The following ZEB1 variants were observed in gnomAD, a reference collection of about 807,000 sequenced individuals.
ZEB1 encodes the protein zinc finger E-box-binding homeobox 1.
ZEB1 carries 21 observed loss-of-function variants against 84.9 expected under a neutral mutation model. The ratio of observed to expected loss-of-function variants is 0.25; its 90% confidence interval spans 0.18 to 0.36. The LOEUF (loss-of-function observed/expected upper bound fraction) is 0.36. ZEB1 is among the 10% of genes least tolerant of loss of function. The pLI is 1.00. For missense variants in ZEB1, 1,104 were observed against 1,330.2 expected, an observed-to-expected ratio of 0.83 and a Z score of 2.65; for synonymous variants, 420 against 471.1, an observed-to-expected ratio of 0.89 and a Z score of 1.41.
chr10:31,357,616 G>A (rs1482812842), intron 1 of ZEB1, among the ~76,000 whole-genome samples: 2 of 152,030 alleles, frequency 1.3e-5, no homozygotes, highest in Non-Finnish European at 2.9e-5. Context: ...ACAAAAAGTA[G>A]CATATGGTTT....
At chr10:31,435,923 G>A (rs1302996424) in intron 1 of ZEB1, among the ~76,000 whole-genome samples, 2 of 152,140 alleles carry the variant, frequency 1.3e-5, no homozygotes, top group Admixed American at 6.6e-5. Flanking sequence ...GCAAACTAGT[G>A]GCATTGGTGC....
chr10:31,469,517 C>T (rs1025275141), intron 2 of ZEB1, among the ~76,000 whole-genome samples: 11 of 152,178 alleles, frequency 7.2e-5, no homozygotes, highest in African/African-American at 2.7e-4. Flanking sequence ...GCTTAAAAAA[C>T]GGCACACCAC....
At chr10:31,440,746 T>A (rs1272630185) in intron 1 of ZEB1, among the ~76,000 whole-genome samples, 3 of 152,164 alleles carry the variant, frequency 2.0e-5, no homozygotes, top group Non-Finnish European at 4.4e-5. Flanking sequence ...ATCACAAGCA[T>A]TCTTATACAC....
intron 1 of ZEB1, among the ~76,000 whole-genome samples, chr10:31,382,916 G>GT (rs1049807500): frequency 6.6e-6 from 1 of 151,772 alleles, no homozygotes; most frequent in Non-Finnish European, 1.5e-5. Context: ...GAAATATGAG[G>GT]TTTTTTTCAT....
chr10:31,475,880 T>G (rs2064088026), intron 2 of ZEB1, among the ~76,000 whole-genome samples: 1 of 151,934 alleles, frequency 6.6e-6, no homozygotes, highest in African/African-American at 2.4e-5. Flanking sequence ...GTTACACAAC[T>G]GAGACTCCAA....
At chr10:31,471,885 C>A (rs1265188432) in intron 2 of ZEB1, among the ~76,000 whole-genome samples, 10 of 144,798 alleles carry the variant, frequency 6.9e-5, no homozygotes, top group Non-Finnish European at 1.0e-4. Context: ...TGCAATCAAA[C>A]TAGAACTCAG....
intron 1 of ZEB1, among the ~76,000 whole-genome samples, chr10:31,427,519 T>C (rs1391743048): frequency 6.6e-6 from 1 of 152,132 alleles, no homozygotes; most frequent in Non-Finnish European, 1.5e-5. Flanking sequence ...CTCCCTTTCC[T>C]CTGTCTGAGA....
chr10:31,326,176 G>T (rs982517456), intron 1 of ZEB1, among the ~76,000 whole-genome samples: 17 of 151,954 alleles, frequency 1.1e-4, no homozygotes, highest in Non-Finnish European at 1.6e-4. Flanking sequence ...TTTAAGAAGG[G>T]GTAATGCCAG....
intron 1 of ZEB1, among the ~76,000 whole-genome samples, chr10:31,411,408 G>C (rs1299772018): frequency 1.3e-5 from 2 of 152,144 alleles, no homozygotes; most frequent in Admixed American, 1.3e-4. Context: ...GAGGCGAGTG[G>C]ATCATGAGGT....
At chr10:31,329,889 G>A (rs1239989613) in intron 1 of ZEB1, among the ~76,000 whole-genome samples, 1 of 152,000 alleles carries the variant, frequency 6.6e-6, no homozygotes, top group Non-Finnish European at 1.5e-5. Context: ...ATTTTTAATT[G>A]GATTGTTTGT....
chr10:31,387,717 C>G (rs987671156), intron 1 of ZEB1: 12 of 982,008 alleles, frequency 1.2e-5, no homozygotes, highest in Non-Finnish European at 1.5e-5. Context: ...ATCTTTACTT[C>G]AGGGAAAGCC....
chr10:31,323,786 C>T (rs2034745768), intron 1 of ZEB1, among the ~76,000 whole-genome samples: 1 of 151,872 alleles, frequency 6.6e-6, no homozygotes, highest in Non-Finnish European at 1.5e-5. Flanking sequence ...TTTTAAGCCT[C>T]TCATTAGGTA....
At chr10:31,441,393 T>TA (rs1008028478) in intron 1 of ZEB1, among the ~76,000 whole-genome samples, 11 of 152,288 alleles carry the variant, frequency 7.2e-5, no homozygotes, top group Admixed American at 6.5e-4. Context: ...TTACACCTGA[T>TA]ACAAAAATTA....
At chr10:31,495,661 A>T (rs2067120073) in intron 2 of ZEB1, 115 bp from the exon 3 acceptor site, 4 of 1,013,860 alleles carry the variant, frequency 3.9e-6, no homozygotes, top group Non-Finnish European at 6.2e-6. Context: ...TGATACATGT[A>T]TACAATGTGT....
intron 7 of ZEB1, 150 bp from the exon 8 acceptor site, chr10:31,523,783 G>T (rs1001392639): frequency 1.2e-6 from 1 of 854,178 alleles, no homozygotes; most frequent in Non-Finnish European, 1.8e-6. Flanking sequence ...TGGGGCACAT[G>T]TGCAGTGAAG....
chr10:31,353,843 A>T (rs548394655), intron 1 of ZEB1, among the ~76,000 whole-genome samples: 2 of 152,348 alleles, frequency 1.3e-5, no homozygotes, highest in South Asian at 2.1e-4. Flanking sequence ...AACCAGTACT[A>T]CTACTTACAG....
At chr10:31,385,983 A>G (rs1253638560) in intron 1 of ZEB1, among the ~76,000 whole-genome samples, 1 of 152,186 alleles carries the variant, frequency 6.6e-6, no homozygotes, top group Non-Finnish European at 1.5e-5. Context: ...TGTACATACG[A>G]AAATACATAA....
intron 1 of ZEB1, among the ~76,000 whole-genome samples, chr10:31,370,076 G>A (rs1415334970): frequency 6.6e-6 from 1 of 152,122 alleles, no homozygotes; most frequent in Non-Finnish European, 1.5e-5. Flanking sequence ...TTATTGAGAT[G>A]TTGGAGTTAC....
At chr10:31,364,010 G>A (rs367696064) in intron 1 of ZEB1, among the ~76,000 whole-genome samples, 4 of 152,222 alleles carry the variant, frequency 2.6e-5, no homozygotes, top group African/African-American at 4.8e-5. Context: ...CAGGACCTGC[G>A]GCAGAACCAG....
Sources: allele counts gnomAD v4.1 joint callset (sites outside exome capture counted in the v4.1 genomes callset), GRCh38; gene constraint gnomAD v4.1.1; transcripts MANE v1.5; gene names NCBI Gene and HGNC (gene_info 2026-07-23, HGNC 2026-07-21).